ITPRID1: variants seen among roughly 807,000 people sequenced by gnomAD.
ITPRID1 encodes protein ITPRID1.
A neutral mutation model predicts 95.4 loss-of-function variants in ITPRID1; 96 were observed. The ratio of observed to expected loss-of-function variants is 1.01; its 90% CI spans 0.85 to 1.19. ITPRID1 has a LOEUF of 1.19. Among genes scored for constraint, ITPRID1 ranks in the 50% most tolerant of loss-of-function variants. The pLI, the probability that ITPRID1 is intolerant of heterozygous loss-of-function variation, is 0.00. For missense variants in ITPRID1, 1,339 were observed against 1,252.9 expected (o/e 1.07, Z -1.04); for synonymous variants, 510 against 453.6 (o/e 1.12, Z -1.58).
Position 31,599,649 on chromosome 7 carries a change from T to C in ITPRID1, c.1228+16458T>C, listed in dbSNP as rs200848111. On this transcript the variant is annotated intron_variant, in intron 10 of 14. Transcript: ENST00000615280. ...TCTTTCTTTCTTTCTTTCTTTCTTT[T>C]TCTTTCTTTCCTTTCTCTCTCTCTC... 3.2e-3 allele frequency among the ~76,000 whole-genome samples: 97 copies of C among 29,904 alleles called. 1 individual carries two copies. The highest frequency in any genetic ancestry group is 9.3e-3 in the African/African-American group (87 of 9,404). The allele number at this position is 29,904 out of a possible 152,430, so 19.6% of individuals were successfully genotyped here.
At chr7:31,641,032 TG>T (rs1789970691) in intron 10 of ITPRID1, among the ~76,000 whole-genome samples, 1 of 152,174 alleles carries the variant, frequency 6.6e-6, no homozygotes, top group Non-Finnish European at 1.5e-5. Context: ...TGGGCTGGGT[TG>T]GCCAGCTCTG....
At chr7:31,605,581 A>G (rs1338051651) in intron 10 of ITPRID1, among the ~76,000 whole-genome samples, 1 of 152,232 alleles carries the variant, frequency 6.6e-6, no homozygotes, top group African/African-American at 2.4e-5. Flanking sequence ...TGTAGCAAAC[A>G]TCATCCCTTA....
intron 10 of ITPRID1, among the ~76,000 whole-genome samples, chr7:31,638,391 C>T (rs2128205072): frequency 6.6e-6 from 1 of 152,262 alleles, no homozygotes; most frequent in South Asian, 2.1e-4. Context: ...AAAAGTCGCA[C>T]ATCAGAGTTA....
intron 10 of ITPRID1, among the ~76,000 whole-genome samples, chr7:31,622,694 A>C (rs1315462813): frequency 6.6e-6 from 1 of 152,190 alleles, no homozygotes; most frequent in African/African-American, 2.4e-5. Flanking sequence ...CACAATTAAA[A>C]GAACTAGAAA....
intron 12 of ITPRID1, among the ~76,000 whole-genome samples, chr7:31,649,150 T>C (rs1474509292): frequency 2.0e-5 from 3 of 152,204 alleles, no homozygotes; most frequent in Non-Finnish European, 2.9e-5. Context: ...AGCGAGAGGA[T>C]AGAATCAAAA....
Position 31,652,676 on chromosome 7 carries a change from C to G in ITPRID1, c.2982C>G (p.Pro994=). 1.9e-6 allele frequency: 3 copies of G among 1,613,952 alleles called. No individual in the cohort carries two copies. Among genetic ancestry groups the G allele is most frequent in the Non-Finnish European group, 2.5e-6 (3 of 1,179,882 alleles). Residue 994 remains proline, a synonymous_variant, in exon 15 of 15, where the codon CCC becomes CCG. Transcript: ENST00000615280. The part of the protein sequence containing the change: ...VFPPDDGQEA[P]CSGGTQLAAF... Reference sequence around the variant, plus strand: ...CTCCCGATGATGGCCAGGAGGCTCCCTGTTCAGGTGGGACCCAGTTGGCTG... The same window carrying G: ...CTCCCGATGATGGCCAGGAGGCTCCGTGTTCAGGTGGGACCCAGTTGGCTG...
chr7:31,652,651 C>T lies in ITPRID1; in HGVS notation c.2957C>T (p.Pro986Leu), dbSNP rs554272201. 6.7e-5 allele frequency: 108 copies of T among 1,613,888 alleles called. No individual in the cohort carries two copies. The South Asian group carries it at 1.2e-3, about 17-fold the overall frequency. The change falls in exon 15 of 15, where the codon CCT becomes CTT. Residue 986 changes from proline (P) to leucine (L), a missense_variant. Coordinates refer to ENST00000615280, the MANE Select transcript of ITPRID1 (RefSeq NM_001257967.3). Reference sequence around the variant, plus strand: ...GGCATGGCCCCGAGGACTGTGTTTCCTCCCGATGATGGCCAGGAGGCTCCC... The same window carrying T: ...GGCATGGCCCCGAGGACTGTGTTTCTTCCCGATGATGGCCAGGAGGCTCCC... Reference protein sequence around the residue: ...HPGMAPRTVFPPDDGQEAPCS... With the variant: ...HPGMAPRTVFLPDDGQEAPCS...
chr7:31,612,754 G>A (rs1216011702), intron 10 of ITPRID1, among the ~76,000 whole-genome samples: 1 of 152,020 alleles, frequency 6.6e-6, no homozygotes, highest in Admixed American at 6.6e-5. Flanking sequence ...TGTTTGTGCA[G>A]CCTCGAGGTC....
rs553560076 is a variant in ITPRID1 at position 31,654,398 on chromosome 7, CAA to C, written c.*1570_*1571del. ...GATCGGTCAGACTATAGGCCATGAC[CAA>C]GTCTTTGCATCTGAATCCTTTTTCC... On this transcript the variant is annotated 3_prime_UTR_variant, in exon 15 of 15. Coordinates refer to ENST00000615280, the MANE Select transcript of ITPRID1 (RefSeq NM_001257967.3). Among the ~76,000 whole-genome samples the C allele has an allele frequency of 6.1e-4, 93 of 152,248 alleles. No homozygotes were observed. The highest frequency in any genetic ancestry group is 3.4e-3 in the Middle Eastern group (1 of 294).
intron 14 of ITPRID1, 134 bp downstream of exon 14, chr7:31,652,184 A>G: frequency 1.3e-6 from 1 of 762,116 alleles, no homozygotes; most frequent in Non-Finnish European, 2.2e-6. Flanking sequence ...AAGTATACAG[A>G]GAAGTACTTT....
intron 1 of ITPRID1, among the ~76,000 whole-genome samples, chr7:31,547,561 G>A (rs565632742): frequency 3.3e-5 from 5 of 152,156 alleles, no homozygotes; most frequent in Admixed American, 2.0e-4. Flanking sequence ...ACCTCCTACC[G>A]GGTCCTTCCC....
chr7:31,651,675 AGTG>A (rs1402126486), intron 13 of ITPRID1, among the ~76,000 whole-genome samples: 1 of 152,120 alleles, frequency 6.6e-6, no homozygotes, highest in Admixed American at 6.5e-5. Context: ...AAAACTGAAT[AGTG>A]GTGATGATTA....
chr7:31,558,985 T>A (rs1784541015), intron 5 of ITPRID1, among the ~76,000 whole-genome samples: 2 of 152,306 alleles, frequency 1.3e-5, no homozygotes, highest in African/African-American at 4.8e-5. Flanking sequence ...GAAAGAAGTA[T>A]AAAGCTATGC....
intron 5 of ITPRID1, among the ~76,000 whole-genome samples, chr7:31,569,132 G>C (rs960885080): frequency 5.9e-5 from 9 of 152,170 alleles, no homozygotes; most frequent in African/African-American, 2.2e-4. Flanking sequence ...ACTTTTGACT[G>C]TATGACTATG....
chr7:31,548,793 TGG>T (rs1784186049), intron 1 of ITPRID1, among the ~76,000 whole-genome samples: 1 of 152,018 alleles, frequency 6.6e-6, no homozygotes, highest in Non-Finnish European at 1.5e-5. Flanking sequence ...CTGAGGTTTG[TGG>T]TAATCATTTT....
chr7:31,562,659 T>C (rs1784665187), intron 5 of ITPRID1, among the ~76,000 whole-genome samples: 1 of 152,178 alleles, frequency 6.6e-6, no homozygotes, highest in Non-Finnish European at 1.5e-5. Flanking sequence ...AATATATGAC[T>C]CTTGTTCTCC....
intron 10 of ITPRID1, among the ~76,000 whole-genome samples, chr7:31,601,643 C>A (rs1385607672): frequency 6.6e-6 from 1 of 152,226 alleles, no homozygotes; most frequent in East Asian, 1.9e-4. Context: ...TCTCTAGTTT[C>A]ATACCTGGTT....
intron 1 of ITPRID1, among the ~76,000 whole-genome samples, chr7:31,539,539 G>A (rs977527586): frequency 1.3e-5 from 2 of 152,160 alleles, no homozygotes; most frequent in Non-Finnish European, 1.5e-5. Context: ...TAGATCATAC[G>A]TTAAAGGTGT....
chr7:31,558,950 T>A (rs1784539993), intron 5 of ITPRID1, among the ~76,000 whole-genome samples: 1 of 152,200 alleles, frequency 6.6e-6, no homozygotes. Flanking sequence ...GCAAAATTAC[T>A]ACTTAGAAAC....
Sources: gnomAD v4.1 joint callset for allele counts (sites outside exome capture counted in the v4.1 genomes callset) on GRCh38, gnomAD v4.1.1 for gene constraint, MANE v1.5 for transcripts, NCBI Gene and HGNC (gene_info 2026-07-23, HGNC 2026-07-21) for gene names.